Variants in GABBR2 observed in about 807,000 individuals in gnomAD.
GABBR2 encodes G-protein coupled receptor 51.
Under a neutral mutation model 105.6 loss-of-function variants are expected in GABBR2, and 23 were observed. The observed-to-expected ratio is 0.22, with a 90% CI of 0.16 to 0.31. The LOEUF (loss-of-function observed/expected upper bound fraction) is 0.31, where lower values mean the gene tolerates loss of function less well. Ranked by LOEUF, GABBR2 falls within the 10% of genes least tolerant of loss-of-function variation. The pLI is 1.00. For missense variants in GABBR2, 734 were observed against 1,245.5 expected, an observed-to-expected ratio of 0.59 and a Z score of 6.18; for synonymous variants, 478 against 499.7, an observed-to-expected ratio of 0.96 and a Z score of 0.58.
intron 2 of GABBR2, among the ~76,000 whole-genome samples, chr9:98,565,501 A>C (rs1828739271): frequency 6.6e-6 from 1 of 151,918 alleles, no homozygotes; most frequent in South Asian, 2.1e-4. Context: ...GGCCCAACCC[A>C]CTCCTCTTAC....
At chr9:98,600,982 C>A (rs1829322846) in intron 1 of GABBR2, among the ~76,000 whole-genome samples, 1 of 152,146 alleles carries the variant, frequency 6.6e-6, no homozygotes, top group African/African-American at 2.4e-5. Context: ...CCGGTGAGCA[C>A]CCTATTACTG....
chr9:98,383,232 C>T (rs932200243), intron 11 of GABBR2, among the ~76,000 whole-genome samples: 9 of 152,282 alleles, frequency 5.9e-5, no homozygotes, highest in African/African-American at 2.2e-4. Context: ...TGAGCCACTG[C>T]ACCTTGCCCC....
intron 1 of GABBR2, among the ~76,000 whole-genome samples, chr9:98,635,443 G>C (rs1367686645): frequency 6.6e-6 from 1 of 152,214 alleles, no homozygotes; most frequent in Non-Finnish European, 1.5e-5. Context: ...GAGGAATGGA[G>C]TAATTGTCAG....
chr9:98,473,064 T>C (rs888577877), intron 6 of GABBR2, 82 bp downstream of exon 6: 19 of 991,334 alleles, frequency 1.9e-5, no homozygotes, highest in African/African-American at 9.5e-5. Context: ...GGACAATAAA[T>C]GTGCTCTTTT....
rs1184071866 is a variant in GABBR2, at chr9:98,651,624, G to A, written c.321+56793C>T. Among the ~76,000 whole-genome samples, 4 of 151,718 alleles carry A rather than the reference G, an allele frequency of 2.6e-5. No individual in the cohort carries two copies. The East Asian group carries it at 5.8e-4, about 22-fold the overall frequency. On this transcript the variant is annotated intron_variant, in intron 1 of 18. Transcript: ENST00000259455. ...TAATTTAAAAAAAAATTAGAGATGG[G>A]TCTCGCTATGTTTTCCAGGCTGGTT...
At chr9:98,688,411 A>AT (rs397737112) in intron 1 of GABBR2, among the ~76,000 whole-genome samples, 3 of 148,364 alleles carry the variant, frequency 2.0e-5, no homozygotes, top group South Asian at 2.2e-4. Flanking sequence ...ATATATATAT[A>AT]AAATCTCCAG....
chr9:98,618,486 A>ATCTC (rs10611275), intron 1 of GABBR2, among the ~76,000 whole-genome samples: 10,587 of 144,938 alleles, frequency 0.073, 497 homozygotes, highest in African/African-American at 0.13. Flanking sequence ...GGTCTGCTGC[A>ATCTC]TCTCTCTCTC....
At chr9:98,525,040 G>A (rs971709580) in intron 3 of GABBR2, among the ~76,000 whole-genome samples, 1 of 152,190 alleles carries the variant, frequency 6.6e-6, no homozygotes, top group Non-Finnish European at 1.5e-5. Context: ...ATCAGGGATT[G>A]TATCTGACTA....
chr9:98,338,423 C>CA (rs963034898), intron 13 of GABBR2, among the ~76,000 whole-genome samples: 33 of 151,936 alleles, frequency 2.2e-4, no homozygotes, highest in Non-Finnish European at 4.0e-4. Flanking sequence ...TACAACTCCA[C>CA]AAAAAACAGA....
At chr9:98,384,417 C>T (rs1832035203) in intron 11 of GABBR2, among the ~76,000 whole-genome samples, 1 of 151,976 alleles carries the variant, frequency 6.6e-6, no homozygotes, top group Non-Finnish European at 1.5e-5. Flanking sequence ...ATGGAGAAAC[C>T]CCGTCTCTAC....
chr9:98,599,853 G>A (rs1829299400), intron 1 of GABBR2, among the ~76,000 whole-genome samples: 1 of 152,202 alleles, frequency 6.6e-6, no homozygotes, highest in Non-Finnish European at 1.5e-5. Context: ...GGGAGAGATG[G>A]GGGTGGGTAC....
chr9:98,638,043 C>A (rs1366756648), intron 1 of GABBR2, among the ~76,000 whole-genome samples: 1 of 152,164 alleles, frequency 6.6e-6, no homozygotes, highest in Non-Finnish European at 1.5e-5. Context: ...AACTAAATAA[C>A]CTGCCCGGGG....
At chr9:98,401,068 C>A (rs1382667375) in intron 8 of GABBR2, among the ~76,000 whole-genome samples, 1 of 151,970 alleles carries the variant, frequency 6.6e-6, no homozygotes, top group Non-Finnish European at 1.5e-5. Flanking sequence ...GTTAAGAGTG[C>A]CCAAGAGAGA....
At position 98,398,788 on chromosome 9, in the gene GABBR2, T is replaced by C. The variant is rs892251809; in HGVS notation, c.1298-4533A>G. ...AGCAGCATAGAACAGAGACAGACTT[T>C]GTGCTCTACTGTCACAAACAATACG... On this transcript the variant is annotated intron_variant, in intron 8 of 18. Coordinates refer to ENST00000259455, the MANE Select transcript of GABBR2 (RefSeq NM_005458.8). Among the ~76,000 whole-genome samples the C allele has an allele frequency of 4.6e-5, 7 of 152,340 alleles. No individual in the cohort carries two copies. In the East Asian group the frequency reaches 1.3e-3, roughly 29 times the overall value.
chr9:98,437,676 A>G (rs1179203850), intron 7 of GABBR2, among the ~76,000 whole-genome samples: 1 of 150,268 alleles, frequency 6.7e-6, no homozygotes, highest in Non-Finnish European at 1.5e-5. Flanking sequence ...CCATCTGTGC[A>G]TATATCTATT....
Position 98,321,761 on chromosome 9 carries a change from T to G in GABBR2, c.1894-10556A>C, listed in dbSNP as rs570202140. Among the ~76,000 whole-genome samples, 4 of 152,128 alleles carry G rather than the reference T, an allele frequency of 2.6e-5. No homozygotes were observed. In the East Asian group the frequency reaches 7.7e-4, roughly 29 times the overall value. On this transcript the variant is annotated intron_variant, in intron 13 of 18. Coordinates refer to ENST00000259455, the MANE Select transcript of GABBR2 (RefSeq NM_005458.8). Reference sequence around the variant, plus strand: ...CTGTCAATTAAACCCGGAGAAGAAATAAAGTAAGAACATGACGACAGCACA... The same window carrying G: ...CTGTCAATTAAACCCGGAGAAGAAAGAAAGTAAGAACATGACGACAGCACA...
At chr9:98,615,192 CAGG>C (rs1305428108) in intron 1 of GABBR2, among the ~76,000 whole-genome samples, 1 of 152,158 alleles carries the variant, frequency 6.6e-6, no homozygotes, top group Non-Finnish European at 1.5e-5. Context: ...CAGCCCCTAG[CAGG>C]ATGCGAGACA....
chr9:98,471,239 G>T (rs555899734), intron 6 of GABBR2, among the ~76,000 whole-genome samples: 1 of 152,276 alleles, frequency 6.6e-6, no homozygotes, highest in Admixed American at 6.5e-5. Flanking sequence ...ATGCGGACAG[G>T]GATTGGGTCT....
chr9:98,383,218 G>A (rs1460768713), intron 11 of GABBR2, among the ~76,000 whole-genome samples: 2 of 152,146 alleles, frequency 1.3e-5, no homozygotes, highest in African/African-American at 2.4e-5. Context: ...TGGGATTATA[G>A]GTGTGAGCCA....
Sources: gnomAD v4.1 joint callset for allele counts (sites outside exome capture counted in the v4.1 genomes callset) on GRCh38, gnomAD v4.1.1 for gene constraint, MANE v1.5 for transcripts, NCBI Gene and HGNC (gene_info 2026-07-23, HGNC 2026-07-21) for gene names.